ADCY7: variants seen among roughly 807,000 people sequenced by gnomAD.
ADCY7 encodes the protein adenylate cyclase type 7.
A neutral mutation model predicts 120.6 loss-of-function variants in ADCY7; 72 were observed. That is an observed-to-expected ratio of 0.60 (90% CI 0.49 to 0.73). The LOEUF is 0.73. Ranked by LOEUF, ADCY7 falls within the 30% of genes least tolerant of loss-of-function variation. The probability of loss-of-function intolerance (pLI) is 0.00; values close to 1 mark genes in which losing one functional copy is unlikely to be tolerated. For missense variants in ADCY7, 1,227 were observed against 1,486.0 expected (o/e 0.83, Z 2.87); for synonymous variants, 661 against 628.0 (o/e 1.05, Z -0.78).
Position 50,314,014 on chromosome 16 carries a change from G to T in ADCY7, c.2808G>T (p.Thr936=), listed in dbSNP as rs199903134. Residue 936 remains threonine (T), a synonymous_variant, in exon 23 of 26, where the codon ACG becomes ACT. Coordinates refer to ENST00000673801, the MANE Select transcript of ADCY7 (RefSeq NM_001114.5). ...GVEKIKTIGS[T]YMAAAGLSVA... The stretch of plus-strand genomic sequence containing the variant: ...AGAAGATCAAGACCATCGGCAGCAC[G>T]TACATGGCAGCTGCAGGGCTCAGCG... The T allele has an allele frequency of 1.4e-5, 23 of 1,614,192 alleles. No individual in the cohort carries two copies. The highest frequency in any genetic ancestry group is 1.9e-5 in the Non-Finnish European group (23 of 1,180,010).
At chr16:50,314,970 A>C (rs1197307259) in intron 24 of ADCY7, 44 bp from the exon 25 acceptor site, 1 of 1,610,072 alleles carries the variant, frequency 6.2e-7, no homozygotes, top group Non-Finnish European at 8.5e-7. Flanking sequence ...CAGAAGCTTG[A>C]GGCTTTGCCT....
At chr16:50,276,919 G>A (rs1202676918) in intron 1 of ADCY7, among the ~76,000 whole-genome samples, 2 of 152,170 alleles carry the variant, frequency 1.3e-5, no homozygotes, top group African/African-American at 2.4e-5. Flanking sequence ...GGTGTGATGG[G>A]CCTGGGATTC....
At position 50,300,712 on chromosome 16, in the gene ADCY7, C is replaced by T. The variant is rs748604353; in HGVS notation, c.1077-3C>T. 7.1e-6 allele frequency: 11 copies of T among 1,551,466 alleles called. No homozygotes were observed. Among genetic ancestry groups the T allele is most frequent in the Non-Finnish European group, 9.6e-6 (11 of 1,146,948 alleles). On this transcript the variant is annotated splice_region_variant and splice_polypyrimidine_tract_variant and intron_variant, in intron 8 of 25. Coordinates refer to ENST00000673801, the MANE Select transcript of ADCY7 (RefSeq NM_001114.5). The stretch of plus-strand genomic sequence containing the variant: ...CTGGGGTGACTGGGCCACTCTGCCC[C>T]AGGCAGGTGCGGGAGGCCACGGGCG...
At chr16:50,264,594 A>G (rs1249621909), upstream of ADCY7, among the ~76,000 whole-genome samples, 2 of 152,182 alleles carry the variant, frequency 1.3e-5, no homozygotes, top group Admixed American at 1.3e-4. Context: ...AGTACATGAG[A>G]GTGAAGAGCT....
At chr16:50,305,736 C>A in intron 13 of ADCY7, 41 bp from the exon 14 acceptor site, 1 of 1,566,794 alleles carries the variant, frequency 6.4e-7, no homozygotes, top group South Asian at 1.1e-5. Flanking sequence ...GAATGGACCC[C>A]TTCCCAGCCC....
Position 50,311,812 on chromosome 16 carries a change from C to G in ADCY7, c.2448+26C>G, listed in dbSNP as rs531401038. 1,252 of 1,341,712 alleles carry G rather than the reference C, an allele frequency of 9.3e-4. 27 individuals are homozygous for G. Among genetic ancestry groups the G allele is most frequent in the South Asian group, 7.5e-3 (591 of 78,290 alleles). 83.1% of individuals were successfully genotyped at this position (1,341,712 alleles called of 1,614,324 possible). A position where few individuals can be genotyped will look rare whatever the true frequency, so the allele number is the denominator to read the frequency against. On this transcript the variant is annotated intron_variant, in intron 20 of 25. Transcript: ENST00000673801. ...GTAAGGAGGCTGGCCCCCCCCCCCC[C>G]CCCAAGCTCTGCCCACTTTTCCTCA... is the stretch of plus-strand genomic sequence containing the variant.
chr16:50,287,908 G>A lies in ADCY7; in HGVS notation c.-268-4G>A, dbSNP rs149478082. 238 of 395,320 alleles carry A rather than the reference G, an allele frequency of 6.0e-4. 3 individuals are homozygous for A. The highest frequency in any genetic ancestry group is 4.3e-3 in the African/African-American group (208 of 48,344). The allele number at this position is 395,320 out of a possible 1,614,324, so 24.5% of individuals were successfully genotyped here. On this transcript the variant is annotated splice_polypyrimidine_tract_variant and splice_region_variant and intron_variant, in intron 1 of 25. Transcript: ENST00000673801. ...TCAAGTTCCTGTCTGCTTCGTCTCC[G>A]CAGAGCTGAGGAACTGCGTGTGGAG...
At chr16:50,315,193 T>C (rs1597004908) in intron 25 of ADCY7, 55 bp downstream of exon 25, 11 of 1,601,420 alleles carry the variant, frequency 6.9e-6, no homozygotes, top group Non-Finnish European at 9.4e-6. Context: ...TCCCCAGAGG[T>C]GAGGGGACTT....
chr16:50,295,099 C>T (rs938699268), intron 7 of ADCY7, among the ~76,000 whole-genome samples: 2 of 152,188 alleles, frequency 1.3e-5, no homozygotes, highest in African/African-American at 4.8e-5. Flanking sequence ...CTCAGGAGGA[C>T]TGTGGAATGC....
At chr16:50,309,420 A>G in intron 17 of ADCY7, 128 bp from the exon 18 acceptor site, 1 of 728,914 alleles carries the variant, frequency 1.4e-6, no homozygotes. Flanking sequence ...AGCCGTGCTC[A>G]GAGCTGATCC....
intron 1 of ADCY7, among the ~76,000 whole-genome samples, chr16:50,282,369 C>A (rs1367566688): frequency 6.6e-6 from 1 of 152,242 alleles, no homozygotes; most frequent in African/African-American, 2.4e-5. Flanking sequence ...TTGCTTCCAG[C>A]AGGTCTTCTG....
intron 1 of ADCY7, among the ~76,000 whole-genome samples, chr16:50,268,450 G>C (rs1429684802): frequency 6.6e-6 from 1 of 152,054 alleles, no homozygotes; most frequent in African/African-American, 2.4e-5. Context: ...ACCCATGCTG[G>C]AGTGCAGTGG....
At chr16:50,258,432 T>C (rs1540620) in intron 1 of ADCY7, among the ~76,000 whole-genome samples, 23,231 of 152,100 alleles carry the variant, frequency 0.15, 1,913 homozygotes, top group Non-Finnish European at 0.19. Flanking sequence ...CTGAATCCTA[T>C]AAATTCATAG....
At chr16:50,294,601 CTGGCTCT>C (rs1243483335) in intron 6 of ADCY7, 32 bp from the exon 7 acceptor site, 2 of 1,287,334 alleles carry the variant, frequency 1.6e-6, no homozygotes, top group East Asian at 4.7e-5. Flanking sequence ...GTCTAGGAGC[CTGGCTCT>C]GACACTCCCT....
At chr16:50,282,740 T>TG (rs1567545710) in intron 1 of ADCY7, among the ~76,000 whole-genome samples, 3 of 144,848 alleles carry the variant, frequency 2.1e-5, no homozygotes, top group Non-Finnish European at 4.6e-5. Flanking sequence ...GACAGGATTC[T>TG]CTATCACCCA....
rs982844824 is a variant in ADCY7, at chr16:50,297,731, G to T, written c.949-1173G>T. On this transcript the variant is annotated intron_variant, in intron 7 of 25. Transcript: ENST00000673801. This position sits in a 1 kb window ranked among gnomAD's most constrained non-coding sequence, Gnocchi z 4.4. The stretch of plus-strand genomic sequence containing the variant: ...GTAGGGACGAGGACAGGATAGGCTC[G>T]AGTCCTGGAGACAGATGGTGTTCCA... Among the ~76,000 whole-genome samples the T allele has an allele frequency of 6.6e-6, 1 of 152,132 alleles. No homozygotes were observed. Among genetic ancestry groups the T allele is most frequent in the Non-Finnish European group, 1.5e-5 (1 of 68,024 alleles).
intron 1 of ADCY7, among the ~76,000 whole-genome samples, chr16:50,259,800 A>G (rs564086006): frequency 2.3e-4 from 35 of 152,210 alleles, no homozygotes; most frequent in African/African-American, 8.4e-4. Context: ...ACCCCTTAGG[A>G]CCACCACTGA....
intron 1 of ADCY7, among the ~76,000 whole-genome samples, chr16:50,253,059 T>G (rs946494794): frequency 1.4e-4 from 22 of 152,246 alleles, no homozygotes; most frequent in African/African-American, 5.3e-4. Flanking sequence ...GTTAAAGTGT[T>G]ACAGACATCA....
In ADCY7 at chr16:50,313,056, CTTGCGCAGCA is replaced by C. The variant is rs2036572578; in HGVS notation, c.2751+21_2751+30del. The C allele has an allele frequency of 6.2e-7, 1 of 1,613,346 alleles. No individual in the cohort carries two copies. The highest frequency in any genetic ancestry group is 8.5e-7 in the Non-Finnish European group (1 of 1,179,498). ...GACGAGGTACAGCCTCTAGCCCAGCCTTGCGCAGCAGCCCCCACCCATGCTGGAGAGGGAA... is the reference window on the plus strand; with the variant it reads ...GACGAGGTACAGCCTCTAGCCCAGCCGCCCCCACCCATGCTGGAGAGGGAA... On this transcript the variant is annotated intron_variant, in intron 22 of 25. Coordinates refer to ENST00000673801, the MANE Select transcript of ADCY7 (RefSeq NM_001114.5).
Sources: allele counts gnomAD v4.1 joint callset (sites outside exome capture counted in the v4.1 genomes callset), GRCh38; gene constraint gnomAD v4.1.1; non-coding constraint Gnocchi (gnomAD v3.1); transcripts MANE v1.5; gene names NCBI Gene and HGNC (gene_info 2026-07-23, HGNC 2026-07-21).